CCDC7: variants seen among roughly 807,000 people sequenced by gnomAD.
The protein encoded by CCDC7 is coiled-coil domain containing 7, also known as coiled-coil domain-containing protein 7.
CCDC7 carries 183 observed loss-of-function variants against 196.9 expected under a neutral mutation model. The observed-to-expected ratio is 0.93, with a 90% CI of 0.82 to 1.05. The LOEUF (loss-of-function observed/expected upper bound fraction) is 1.05, where lower values mean the gene tolerates loss of function less well. Ranked by LOEUF, CCDC7 falls within the 50% of genes least tolerant of loss-of-function variation. The pLI is 0.00. For missense variants in CCDC7, 1,540 were observed against 1,482.2 expected (o/e 1.04, Z -0.64); for synonymous variants, 525 against 484.6 (o/e 1.08, Z -1.10).
At chr10:32,732,751 A>ACC (rs2084200056) in intron 28 of CCDC7, among the ~76,000 whole-genome samples, 1 of 151,956 alleles carries the variant, frequency 6.6e-6, no homozygotes, top group Non-Finnish European at 1.5e-5. Flanking sequence ...ACCTTCCCCC[A>ACC]CCTACATGTA....
intron 8 of CCDC7, among the ~76,000 whole-genome samples, chr10:32,487,051 T>A (rs1458416788): frequency 6.6e-6 from 1 of 152,188 alleles, no homozygotes; most frequent in African/African-American, 2.4e-5. Flanking sequence ...CTTGCTAGAT[T>A]GGGGAAGTTC....
At chr10:32,762,769 C>T (rs1189604189) in intron 28 of CCDC7, among the ~76,000 whole-genome samples, 5 of 151,684 alleles carry the variant, frequency 3.3e-5, no homozygotes, top group Admixed American at 1.3e-4. Context: ...GGAGAATGAC[C>T]ATCTCTTTAA....
chr10:32,477,499 C>A (rs72795514), intron 8 of CCDC7, among the ~76,000 whole-genome samples: 1 of 152,108 alleles, frequency 6.6e-6, no homozygotes, highest in Non-Finnish European at 1.5e-5. Context: ...CTGCGCCCAG[C>A]CCATTTTGAG....
chr10:32,637,953 G>A (rs1175757796), intron 20 of CCDC7, among the ~76,000 whole-genome samples: 2 of 152,142 alleles, frequency 1.3e-5, no homozygotes, highest in African/African-American at 4.8e-5. Flanking sequence ...CACATCCCTT[G>A]TAAGTTGTAT....
Position 32,689,101 on chromosome 10 carries a change from C to G in CCDC7, c.2282C>G (p.Ser761Ter). Residue 761 changes from serine (S) to a stop codon, truncating the protein, a stop_gained, in exon 23 of 42, where the codon TCA becomes TGA. Coordinates refer to ENST00000639629, the Ensembl canonical transcript of CCDC7. LOFTEE classifies it high-confidence loss of function. ...AATCTTATACTTAGGCATCAAGACTCAATGTCAAAATCAGAAATGCAAGTG... is the reference window on the plus strand; with the variant it reads ...AATCTTATACTTAGGCATCAAGACTGAATGTCAAAATCAGAAATGCAAGTG... 6.2e-7 allele frequency: 1 copy of G among 1,608,586 alleles called. No individual in the cohort carries two copies. The highest frequency in any genetic ancestry group is 8.5e-7 in the Non-Finnish European group (1 of 1,176,414).
chr10:32,599,248 TG>T (rs2060743575), intron 18 of CCDC7, among the ~76,000 whole-genome samples: 1 of 152,164 alleles, frequency 6.6e-6, no homozygotes, highest in African/African-American at 2.4e-5. Flanking sequence ...TGTTATTTTT[TG>T]TATAGGATAT....
Position 32,729,338 on chromosome 10 carries a change from CT to C in CCDC7, c.2789del (p.Leu930Ter). 6.4e-7 allele frequency: 1 copy of C among 1,556,474 alleles called. No homozygotes were observed. The highest frequency in any genetic ancestry group is 8.7e-7 in the Non-Finnish European group (1 of 1,152,886). On this transcript the variant is annotated frameshift_variant, in exon 28 of 42. Transcript: ENST00000639629. LOFTEE classifies it high-confidence loss of function. ...TCTATTTTTTTCTATTTAGCGTTTC[CT>C]TTAGAAATCAAAAAAAAGGATATAT...
At chr10:32,499,845 C>T (rs2134852294) in intron 9 of CCDC7, among the ~76,000 whole-genome samples, 1 of 152,212 alleles carries the variant, frequency 6.6e-6, no homozygotes, top group East Asian at 1.9e-4. Context: ...TTTAACAAAG[C>T]ACATCTTGCA....
At chr10:32,691,373 A>T (rs1193749900) in intron 23 of CCDC7, among the ~76,000 whole-genome samples, 2 of 151,494 alleles carry the variant, frequency 1.3e-5, no homozygotes, top group Non-Finnish European at 2.9e-5. Flanking sequence ...GATTAACTAG[A>T]CTCAGATATT....
intron 18 of CCDC7, among the ~76,000 whole-genome samples, chr10:32,594,331 C>T (rs1173124694): frequency 7.9e-5 from 12 of 152,126 alleles, no homozygotes; most frequent in African/African-American, 2.9e-4. Context: ...GGAGTTCACT[C>T]ATGATTTGGC....
chr10:32,720,423 G>A (rs1415624215), intron 25 of CCDC7, among the ~76,000 whole-genome samples: 1 of 152,038 alleles, frequency 6.6e-6, no homozygotes, highest in East Asian at 1.9e-4. Context: ...GGCCTGTTGG[G>A]GGGTAGGGGG....
chr10:32,858,484 A>G (rs2136410160), intron 41 of CCDC7, among the ~76,000 whole-genome samples: 1 of 152,328 alleles, frequency 6.6e-6, no homozygotes, highest in South Asian at 2.1e-4. Flanking sequence ...ATCATGAGCA[A>G]GTGGGATCTA....
intron 30 of CCDC7, 98 bp downstream of exon 31, chr10:32,805,196 T>C: frequency 2.4e-6 from 2 of 821,632 alleles, no homozygotes; most frequent in Non-Finnish European, 4.1e-6. Context: ...TTTGTTATTA[T>C]GACATGGGCA....
chr10:32,522,378 T>A (rs922483333), intron 11 of CCDC7, among the ~76,000 whole-genome samples: 2 of 152,158 alleles, frequency 1.3e-5, no homozygotes, highest in African/African-American at 4.8e-5. Flanking sequence ...AGGTTTTGGA[T>A]TTTTTCATGT....
Position 32,673,654 on chromosome 10 carries a change from C to CGTGTGTGTGTGTGTGTGTGT in CCDC7, c.2122+9508_2122+9527dup, listed in dbSNP as rs71027102. Among the ~76,000 whole-genome samples the CGTGTGTGTGTGTGTGTGTGT allele has an allele frequency of 6.9e-3, 1,017 of 147,988 alleles. 24 individuals carry two copies. The highest frequency in any genetic ancestry group is 0.024 in the African/African-American group (941 of 38,908). On this transcript the variant is annotated intron_variant, in intron 21 of 41. Coordinates refer to ENST00000639629, the Ensembl canonical transcript of CCDC7. ...ATTTATTAGTTCTAACCATTGTGCA[C>CGTGTGTGTGTGTGTGTGTGT]GTGTGTGTGTGTGTGTGTGTGTGTG... is the stretch of plus-strand genomic sequence containing the variant.
At chr10:32,846,036 A>G (rs1420029749) in intron 36 of CCDC7, 77 bp downstream of exon 37, 23 of 1,040,412 alleles carry the variant, frequency 2.2e-5, no homozygotes, top group Non-Finnish European at 3.4e-5. Context: ...ATAGACCTTT[A>G]ATGACAACAG....
At chr10:32,525,295 A>G (rs1387278979) in intron 11 of CCDC7, among the ~76,000 whole-genome samples, 2 of 152,206 alleles carry the variant, frequency 1.3e-5, no homozygotes, top group South Asian at 2.1e-4. Flanking sequence ...TTTAAGCTCA[A>G]TAATTGTTTC....
intron 18 of CCDC7, among the ~76,000 whole-genome samples, chr10:32,604,830 C>A (rs563002068): frequency 6.6e-6 from 1 of 152,004 alleles, no homozygotes; most frequent in South Asian, 2.1e-4. Flanking sequence ...CTGGTGGAAT[C>A]TTTAGGTATT....
At chr10:32,705,286 C>G (rs1467300925) in intron 24 of CCDC7, among the ~76,000 whole-genome samples, 1 of 152,044 alleles carries the variant, frequency 6.6e-6, no homozygotes, top group African/African-American at 2.4e-5. Context: ...TTTGTCGCCA[C>G]CAGGCCTGCC....
Sources: gnomAD v4.1 joint callset for allele counts (sites outside exome capture counted in the v4.1 genomes callset) on GRCh38, gnomAD v4.1.1 for gene constraint, MANE v1.5 for transcripts, NCBI Gene and HGNC (gene_info 2026-07-23, HGNC 2026-07-21) for gene names.